ESRRB: variants seen among roughly 807,000 people sequenced by gnomAD.
ESRRB encodes the protein steroid hormone receptor ERR2.
In ESRRB, 16 loss-of-function variants were observed where a neutral mutation model predicts 46.0. The observed-to-expected ratio is 0.35, with a 90% CI of 0.24 to 0.53. The LOEUF is 0.53. Among genes scored for constraint, ESRRB ranks in the 20% least tolerant of loss-of-function variants. ESRRB has a pLI of 0.93. For missense variants in ESRRB, 488 were observed against 607.4 expected (o/e 0.80, Z 2.07); for synonymous variants, 246 against 259.6 (o/e 0.95, Z 0.50).
At chr14:76,465,922 C>T (rs1030291678) in intron 3 of ESRRB, among the ~76,000 whole-genome samples, 2 of 152,214 alleles carry the variant, frequency 1.3e-5, no homozygotes, top group African/African-American at 2.4e-5. Flanking sequence ...TCTGAAGCTC[C>T]GTGGGGACCG....
At chr14:76,485,629 G>C (rs71429958) in intron 5 of ESRRB, among the ~76,000 whole-genome samples, 1 of 15,660 alleles carries the variant, frequency 6.4e-5, no homozygotes, top group Admixed American at 4.8e-4. Context: ...CTATCCCTGA[G>C]AGAGAGAGAG....
intron 1 of ESRRB, among the ~76,000 whole-genome samples, chr14:76,422,680 A>G (rs1338663619): frequency 6.6e-6 from 1 of 152,182 alleles, no homozygotes; most frequent in African/African-American, 2.4e-5. Context: ...TTATTGGGTC[A>G]TTTACTCCTC....
rs115152005 is a variant in ESRRB, at chr14:76,397,003, G to T, written c.50+20552G>T. ...TGCGGCCTCTCCTCCCACGCCAGCC[G>T]CCCGGGCACGGACTGACTCGGGAAA... On this transcript the variant is annotated intron_variant, in intron 1 of 6. Transcript: ENST00000644823. 2.9e-3 allele frequency among the ~76,000 whole-genome samples: 435 copies of T among 152,302 alleles called. 2 individuals are homozygous for T. Among genetic ancestry groups the T allele is most frequent in the African/African-American group, 9.9e-3 (410 of 41,564 alleles).
At chr14:76,412,942 C>T (rs978699288) in intron 1 of ESRRB, among the ~76,000 whole-genome samples, 2 of 152,050 alleles carry the variant, frequency 1.3e-5, no homozygotes, top group African/African-American at 2.4e-5. Flanking sequence ...ATAGGGAGAC[C>T]CTATCTCTAC....
chr14:76,359,884 C>T (rs1436118412), intron 1 of ESRRB, among the ~76,000 whole-genome samples: 1 of 152,174 alleles, frequency 6.6e-6, no homozygotes, highest in Non-Finnish European at 1.5e-5. Context: ...AGAAAAGCAA[C>T]TGACACAGCA....
intron 6 of ESRRB, among the ~76,000 whole-genome samples, chr14:76,496,120 A>G (rs890638081): frequency 6.6e-6 from 1 of 152,334 alleles, no homozygotes; most frequent in Admixed American, 6.5e-5. Context: ...TGACGCACAT[A>G]AGGCTGTGGC....
Position 76,482,834 on chromosome 14 carries a change from T to TAG in ESRRB, c.850+75_850+76insAG. On this transcript the variant is annotated intron_variant, in intron 5 of 6. Transcript: ENST00000644823. The surrounding 1 kb of genome is among the most constrained non-coding windows in gnomAD (Gnocchi z 4.3). ...ATCTCCGCAGCCTACCCAATGGCTG[T>TAG]GCTTCTGATGCCCGGATCCTGGACC... 1 of 1,553,198 alleles carries TAG rather than the reference T, an allele frequency of 6.4e-7. No individual in the cohort carries two copies. The highest frequency in any genetic ancestry group is 8.8e-7 in the Non-Finnish European group (1 of 1,130,910).
intron 1 of ESRRB, among the ~76,000 whole-genome samples, chr14:76,418,365 T>C (rs2139881358): frequency 6.6e-6 from 1 of 152,368 alleles, no homozygotes; most frequent in African/African-American, 2.4e-5. Context: ...TTTTCACTTT[T>C]GTTAGCTTCC....
intron 1 of ESRRB, among the ~76,000 whole-genome samples, chr14:76,394,409 A>C (rs1252053792): frequency 6.6e-6 from 1 of 152,110 alleles, no homozygotes; most frequent in Non-Finnish European, 1.5e-5. Flanking sequence ...GGCTACTCAT[A>C]TGTTTTGCCT....
intron 2 of ESRRB, among the ~76,000 whole-genome samples, chr14:76,456,079 A>C (rs541768259): frequency 2.5e-5 from 3 of 122,392 alleles, no homozygotes; most frequent in Non-Finnish European, 5.1e-5. Flanking sequence ...CACACACACA[A>C]AAGAAAGAAA....
chr14:76,429,972 C>T (rs941512922), intron 1 of ESRRB, among the ~76,000 whole-genome samples: 2 of 151,766 alleles, frequency 1.3e-5, no homozygotes, highest in African/African-American at 4.8e-5. Context: ...TCCTTCCTGC[C>T]TGCCTTCCTG....
intron 1 of ESRRB, among the ~76,000 whole-genome samples, chr14:76,346,865 C>A (rs1322548819): frequency 6.6e-6 from 1 of 152,226 alleles, no homozygotes; most frequent in African/African-American, 2.4e-5. Context: ...GGATTATAGA[C>A]ACCACATGCT....
intron 1 of ESRRB, among the ~76,000 whole-genome samples, chr14:76,330,472 T>A (rs2139736176): frequency 6.6e-6 from 1 of 152,340 alleles, no homozygotes; most frequent in East Asian, 1.9e-4. Context: ...TGGCTATGAA[T>A]ACCCCTAAAA....
chr14:76,321,780 G>T (rs537462230), intron 1 of ESRRB, among the ~76,000 whole-genome samples: 1 of 152,084 alleles, frequency 6.6e-6, no homozygotes, highest in Non-Finnish European at 1.5e-5. Flanking sequence ...CTTCCCATTC[G>T]GGAGGCTGAG....
At chr14:76,317,285 G>T (rs1883812330) in intron 1 of ESRRB, among the ~76,000 whole-genome samples, 1 of 150,636 alleles carries the variant, frequency 6.6e-6, no homozygotes, top group South Asian at 2.1e-4. Context: ...CAATATTCAG[G>T]AGTAAAATTA....
intron 1 of ESRRB, among the ~76,000 whole-genome samples, chr14:76,361,613 G>A (rs567036496): frequency 1.4e-3 from 220 of 152,318 alleles, no homozygotes; most frequent in Non-Finnish European, 3.4e-4. Flanking sequence ...AGGAATGGCT[G>A]TTCTTTTTAC....
intron 3 of ESRRB, among the ~76,000 whole-genome samples, chr14:76,475,672 C>T (rs1207874075): frequency 1.3e-5 from 2 of 152,126 alleles, no homozygotes; most frequent in Non-Finnish European, 2.9e-5. Flanking sequence ...TAAAAATTTG[C>T]TTCTTTTCCC....
rs1371562031 is a variant in ESRRB, at chr14:76,501,024, AC to A, written c.*2569del. Reference sequence around the variant, plus strand: ...TAGCTGGAATCCTGGCCAGATGAGGACCCTCTCCGGGGAAGGGAGAGGACTG... The same window carrying A: ...TAGCTGGAATCCTGGCCAGATGAGGACCTCTCCGGGGAAGGGAGAGGACTG... On this transcript the variant is annotated 3_prime_UTR_variant, in exon 7 of 7. Coordinates refer to ENST00000644823, the MANE Select transcript of ESRRB (RefSeq NM_001379180.1). 2.1e-6 allele frequency: 1 copy of A among 479,656 alleles called. No individual in the cohort carries two copies. Among genetic ancestry groups the A allele is most frequent in the African/African-American group, 1.9e-5 (1 of 51,502 alleles). 29.7% of individuals were successfully genotyped at this position (479,656 alleles called of 1,614,324 possible).
At chr14:76,329,368 C>T (rs1186014991) in intron 1 of ESRRB, among the ~76,000 whole-genome samples, 1 of 152,116 alleles carries the variant, frequency 6.6e-6, no homozygotes, top group Non-Finnish European at 1.5e-5. Context: ...TCCCCATTCC[C>T]GTCCCTCTGC....
Sources: allele counts gnomAD v4.1 joint callset (sites outside exome capture counted in the v4.1 genomes callset), GRCh38; gene constraint gnomAD v4.1.1; non-coding constraint Gnocchi (gnomAD v3.1); transcripts MANE v1.5; gene names NCBI Gene and HGNC (gene_info 2026-07-23, HGNC 2026-07-21).